The following TRDN variants were observed in gnomAD, a reference collection of about 807,000 sequenced individuals.
TRDN encodes triadin in skeletal muscle.
In TRDN, 161 loss-of-function variants were observed where a neutral mutation model predicts 149.7. The observed-to-expected ratio is 1.08, with a 90% CI of 0.95 to 1.23. TRDN has a LOEUF of 1.23. Ranked by LOEUF, TRDN falls within the 50% of genes most tolerant of loss-of-function variation. The probability of loss-of-function intolerance (pLI) is 0.00; values close to 1 mark genes in which losing one functional copy is unlikely to be tolerated. For synonymous variants in TRDN, 294 were observed against 250.5 expected, an observed-to-expected ratio of 1.17 and a Z score of -1.64; for missense variants, 896 against 823.5, an observed-to-expected ratio of 1.09 and a Z score of -1.08.
chr6:123,281,532 T>A (rs569424626), intron 24 of TRDN, among the ~76,000 whole-genome samples: 25 of 152,204 alleles, frequency 1.6e-4, no homozygotes, highest in Admixed American at 5.9e-4. Context: ...GAAAGGATAA[T>A]ACATAGTCAT....
chr6:123,321,707 A>G (rs975679119), intron 23 of TRDN, among the ~76,000 whole-genome samples: 3 of 152,104 alleles, frequency 2.0e-5, no homozygotes, highest in African/African-American at 7.2e-5. Flanking sequence ...CTGTCACTCC[A>G]AATAGCTTGA....
intron 20 of TRDN, 35 bp downstream of exon 20, chr6:123,366,100 T>A (rs377389831): frequency 6.5e-7 from 1 of 1,549,972 alleles, no homozygotes; most frequent in Non-Finnish European, 8.9e-7. Flanking sequence ...AAATAACTTA[T>A]AGTTATGACA....
chr6:123,530,326 TTATA>T (rs1562367742), intron 5 of TRDN, among the ~76,000 whole-genome samples, 176 bp downstream of exon 5: 2 of 149,994 alleles, frequency 1.3e-5, no homozygotes, highest in African/African-American at 4.9e-5. Flanking sequence ...TTTATGTTAT[TTATA>T]CATTTATAAC....
Position 123,512,307 on chromosome 6 carries a change from C to A in TRDN, c.606G>T (p.Ala202=). Residue 202 remains alanine (A), a synonymous_variant, in exon 7 of 41, where the codon GCG becomes GCT. Coordinates refer to ENST00000334268, the MANE Select transcript of TRDN (RefSeq NM_006073.4). ...KKEKPETKTL[A]KEQKKAKTAE... is the part of the protein sequence containing the mutation. ...AATAATAAATTGAAAAGTTACCTTT[C>A]GCCAGTGTCTTTGTTTCTGGTTTTT... 1 of 1,477,620 alleles carries A rather than the reference C, an allele frequency of 6.8e-7. No homozygotes were observed. Among genetic ancestry groups the A allele is most frequent in the Non-Finnish European group, 9.3e-7 (1 of 1,078,346 alleles). 91.5% of individuals were successfully genotyped at this position (1,477,620 alleles called of 1,614,324 possible). A position where few individuals can be genotyped will look rare whatever the true frequency, so the allele number is the denominator to read the frequency against.
Position 123,571,114 on chromosome 6 carries a change from G to A in TRDN, c.41C>T (p.Thr14Ile), listed in dbSNP as rs2114538213. The A allele has an allele frequency of 5.6e-6, 9 of 1,613,908 alleles. No homozygotes were observed. The highest frequency in any genetic ancestry group is 7.6e-6 in the Non-Finnish European group (9 of 1,179,850). ...TCCATTTTTGCTGTCTATCACAGTT[G>A]TGGTTGTAGATGCATTTCCTAATCA... ...ITAEGNASTT[T>I]TVIDSKNGSV... Residue 14 changes from threonine (T) to isoleucine (I), a missense_variant, in exon 2 of 41, where the codon ACA (threonine) becomes ATA (isoleucine). By Grantham distance (89) the Thr-to-Ile change is moderately conservative. Coordinates refer to ENST00000334268, the MANE Select transcript of TRDN (RefSeq NM_006073.4).
At chr6:123,603,776 C>A (rs1293929990) in intron 1 of TRDN, among the ~76,000 whole-genome samples, 1 of 152,096 alleles carries the variant, frequency 6.6e-6, no homozygotes. Flanking sequence ...ATCTACTTTG[C>A]AATCACTTCG....
At chr6:123,292,215 G>A (rs1476622891) in intron 24 of TRDN, among the ~76,000 whole-genome samples, 1 of 152,128 alleles carries the variant, frequency 6.6e-6, no homozygotes, top group African/African-American at 2.4e-5. Context: ...GTCATGTGCT[G>A]CCTGCCCTGG....
At chr6:123,244,927 TG>T (rs1292093626) in intron 38 of TRDN, among the ~76,000 whole-genome samples, 1 of 151,804 alleles carries the variant, frequency 6.6e-6, no homozygotes, top group East Asian at 1.9e-4. Context: ...CATAAGAGAG[TG>T]GGGGCCAATA....
At chr6:123,261,903 A>G (rs1185669223) in intron 33 of TRDN, among the ~76,000 whole-genome samples, 2 of 151,950 alleles carry the variant, frequency 1.3e-5, no homozygotes, top group East Asian at 1.9e-4. Flanking sequence ...TAAAATTGGC[A>G]TTGAATCCAT....
At chr6:123,311,819 A>G (rs1207497299) in intron 24 of TRDN, among the ~76,000 whole-genome samples, 2 of 151,984 alleles carry the variant, frequency 1.3e-5, no homozygotes, top group Non-Finnish European at 2.9e-5. Context: ...AGGAAACTGT[A>G]TTTAGATGTT....
intron 1 of TRDN, among the ~76,000 whole-genome samples, chr6:123,591,701 C>T (rs756355272): frequency 1.4e-4 from 22 of 152,112 alleles, no homozygotes; most frequent in Non-Finnish European, 2.9e-4. Flanking sequence ...GATAAGGTTT[C>T]CTATGTGTTT....
chr6:123,525,840 G>C (rs941147251), intron 5 of TRDN, among the ~76,000 whole-genome samples: 3 of 152,062 alleles, frequency 2.0e-5, no homozygotes, highest in African/African-American at 7.2e-5. Flanking sequence ...TAAGTAATTA[G>C]ATCTGGTGAT....
chr6:123,468,935 G>A (rs1015784536), intron 9 of TRDN: 1 of 152,134 alleles, frequency 6.6e-6, no homozygotes, highest in Non-Finnish European at 1.5e-5. Context: ...GGAAAGGTAT[G>A]AGGACCTCCA....
chr6:123,432,023 A>G (rs1397031831), intron 12 of TRDN, among the ~76,000 whole-genome samples: 2 of 152,166 alleles, frequency 1.3e-5, no homozygotes, highest in Non-Finnish European at 2.9e-5. Context: ...AATTGAAAAA[A>G]TTTGATGGAA....
At position 123,560,262 on chromosome 6, in the gene TRDN, C is replaced by T. The variant is rs138559091; in HGVS notation, c.232+10661G>A. Among the ~76,000 whole-genome samples the T allele has an allele frequency of 9.7e-4, 148 of 152,250 alleles. 4 individuals carry two copies. In the East Asian group the frequency reaches 0.027, roughly 28 times the overall value. On this transcript the variant is annotated intron_variant, in intron 2 of 40. Coordinates refer to ENST00000334268, the MANE Select transcript of TRDN (RefSeq NM_006073.4). ...CATATACTTTCTGCCCCCTCCACTA[C>T]CTCTCAGCAAGCCAAACTCATTGCC...
chr6:123,514,631 AACACACACACACAC>A (rs60716520), intron 6 of TRDN, among the ~76,000 whole-genome samples: 2 of 147,494 alleles, frequency 1.4e-5, no homozygotes, highest in African/African-American at 5.0e-5. Context: ...ACATACCCAA[AACACACACACACAC>A]ACACACACAC....
At chr6:123,302,369 T>C (rs920509711) in intron 24 of TRDN, among the ~76,000 whole-genome samples, 1 of 152,134 alleles carries the variant, frequency 6.6e-6, no homozygotes, top group Non-Finnish European at 1.5e-5. Flanking sequence ...TATTTATTTC[T>C]TTTAAGCTCA....
intron 26 of TRDN, among the ~76,000 whole-genome samples, chr6:123,277,762 C>T (rs1169401088): frequency 6.6e-6 from 1 of 152,150 alleles, no homozygotes; most frequent in African/African-American, 2.4e-5. Context: ...CTCTCCAGAA[C>T]TGTGAGACAA....
intron 21 of TRDN, among the ~76,000 whole-genome samples, chr6:123,344,097 C>T (rs1780164766): frequency 6.6e-6 from 1 of 152,066 alleles, no homozygotes; most frequent in East Asian, 1.9e-4. Context: ...TTTAGGCTTC[C>T]AGCCTCCAGA....
Sources: allele counts gnomAD v4.1 joint callset (sites outside exome capture counted in the v4.1 genomes callset), GRCh38; gene constraint gnomAD v4.1.1; transcripts MANE v1.5; gene names NCBI Gene and HGNC (gene_info 2026-07-23, HGNC 2026-07-21).